ING2: variants seen among roughly 807,000 people sequenced by gnomAD.
The protein encoded by ING2 is inhibitor of growth protein 2.
Under a neutral mutation model 30.6 loss-of-function variants are expected in ING2, and 7 were observed. The observed-to-expected ratio is 0.23, with a 90% CI of 0.13 to 0.43. ING2 has a LOEUF of 0.43. ING2 is among the 20% of genes least tolerant of loss of function. The pLI is 1.00. For missense variants in ING2, 239 were observed against 334.9 expected, an observed-to-expected ratio of 0.71 and a Z score of 2.24; for synonymous variants, 136 against 121.7, an observed-to-expected ratio of 1.12 and a Z score of -0.78.
At position 183,506,400 on chromosome 4, in the gene ING2, C is replaced by G. The variant is rs1184086849; in HGVS notation, c.172+1033C>G. ...TGGGCAACCGCCTGGCGTCCCCGAG[C>G]CCCTCCTTCTCCGACTTTAAGTGTG... On this transcript the variant is annotated intron_variant, in intron 1 of 1. Coordinates refer to ENST00000302327, the MANE Select transcript of ING2 (RefSeq NM_001564.4). 5 of 988,880 alleles carry G rather than the reference C, an allele frequency of 5.1e-6. No homozygotes were observed. The African/African-American group carries it at 8.4e-5, about 17-fold the overall frequency. 61.3% of individuals were successfully genotyped at this position (988,880 alleles called of 1,614,324 possible). A position where few individuals can be genotyped will look rare whatever the true frequency, so the allele number is the denominator to read the frequency against.
At chr4:183,506,057 G>T (rs1734636391) in intron 1 of ING2, 4 of 1,119,002 alleles carry the variant, frequency 3.6e-6, no homozygotes, top group Admixed American at 5.0e-5. Context: ...CGCCGGGGGC[G>T]GGGCCTGCGG....
At chr4:183,506,314 T>A (rs1473149777) in intron 1 of ING2, 1 of 1,303,744 alleles carries the variant, frequency 7.7e-7, no homozygotes, top group Non-Finnish European at 1.0e-6. Context: ...GGATCCTGGC[T>A]CCGCGTAGGT....
chr4:183,505,834 G>A lies in ING2; in HGVS notation c.172+467G>A, dbSNP rs2111083818. Among the ~76,000 whole-genome samples, 2 of 152,046 alleles carry A rather than the reference G, an allele frequency of 1.3e-5. 1 individual carries two copies. The highest frequency in any genetic ancestry group is 2.9e-5 in the Non-Finnish European group (2 of 67,910). On this transcript the variant is annotated intron_variant, in intron 1 of 1. Transcript: ENST00000302327. The stretch of plus-strand genomic sequence containing the variant: ...GCTTTGGAACGTGCGGGGGGAGGGG[G>A]CGAGAGGCCGCGGAGGCGGACTGAG...
In ING2 at chr4:183,505,170, C is replaced by T; in HGVS notation, c.-26C>T. On this transcript the variant is annotated 5_prime_UTR_variant, in exon 1 of 2. Transcript: ENST00000302327. ...CATGTGCGGCTGCTGGATGCGGAGGCGGCGGCGACGGCGCGGATCGGCAGG... is the reference window on the plus strand; with the variant it reads ...CATGTGCGGCTGCTGGATGCGGAGGTGGCGGCGACGGCGCGGATCGGCAGG... The T allele has an allele frequency of 1.3e-6, 2 of 1,582,840 alleles. No homozygotes were observed. The highest frequency in any genetic ancestry group is 1.7e-6 in the Non-Finnish European group (2 of 1,167,660).
chr4:183,505,393 C>A (rs1451043204), intron 1 of ING2, 26 bp downstream of exon 1: 2 of 1,507,760 alleles, frequency 1.3e-6, no homozygotes, highest in South Asian at 1.2e-5. Context: ...CTGCCGGCCT[C>A]GGGAGCCGGT....
rs368386211 is a variant in ING2, at chr4:183,507,167, C to A, written c.172+1800C>A. On this transcript the variant is annotated intron_variant, in intron 1 of 1. Transcript: ENST00000302327. ...CTAGGCTGGAGTGCAGTGGCTCGAT[C>A]TTAGCTCCCTGCAACCTCTGCCTCC... is the stretch of plus-strand genomic sequence containing the variant. Among the ~76,000 whole-genome samples the A allele has an allele frequency of 1.9e-4, 29 of 152,312 alleles. No individual in the cohort carries two copies. In the South Asian group the frequency reaches 5.8e-3, roughly 30 times the overall value.
Position 183,508,163 on chromosome 4 carries a change from A to G in ING2, c.173-2119A>G, listed in dbSNP as rs181052666. On this transcript the variant is annotated intron_variant, in intron 1 of 1. Coordinates refer to ENST00000302327, the MANE Select transcript of ING2 (RefSeq NM_001564.4). ...GCTTCCTCATGGGGTTGCTGTGGAG[A>G]TTAACTGAGAAAATCTTTACCACAT... 6.2e-3 allele frequency among the ~76,000 whole-genome samples: 941 copies of G among 151,742 alleles called. 9 individuals are homozygous for G. Among genetic ancestry groups the G allele is most frequent in the African/African-American group, 0.022 (906 of 41,354 alleles).
intron 1 of ING2, among the ~76,000 whole-genome samples, chr4:183,508,228 A>T (rs1734724267): frequency 6.6e-6 from 1 of 152,084 alleles, no homozygotes; most frequent in Non-Finnish European, 1.5e-5. Flanking sequence ...GTCTTCTTTC[A>T]CTATATAATA....
intron 1 of ING2, among the ~76,000 whole-genome samples, chr4:183,509,678 A>G (rs964714522): frequency 7.0e-6 from 1 of 142,290 alleles, no homozygotes; most frequent in Non-Finnish European, 1.5e-5. Flanking sequence ...CTCGTGATCC[A>G]CCCGCCTCGG....
chr4:183,506,887 G>A (rs997744533), intron 1 of ING2, among the ~76,000 whole-genome samples: 4 of 152,156 alleles, frequency 2.6e-5, no homozygotes, highest in Non-Finnish European at 5.9e-5. Context: ...AACTCGTCCA[G>A]TTAATTCGAT....
At chr4:183,507,226 G>C (rs950632830) in intron 1 of ING2, among the ~76,000 whole-genome samples, 1 of 152,066 alleles carries the variant, frequency 6.6e-6, no homozygotes, top group Non-Finnish European at 1.5e-5. Flanking sequence ...TCAGCCTCCC[G>C]AGTAGCTGGG....
At chr4:183,506,313 C>T (rs1169464445) in intron 1 of ING2, 1 of 1,303,486 alleles carries the variant, frequency 7.7e-7, no homozygotes, top group African/African-American at 1.5e-5. Context: ...CGGATCCTGG[C>T]TCCGCGTAGG....
rs753192153 is a variant in ING2, at chr4:183,505,297, C to T, written c.102C>T (p.Cys34=). 7 of 1,569,158 alleles carry T rather than the reference C, an allele frequency of 4.5e-6. No homozygotes were observed. Among genetic ancestry groups the T allele is most frequent in the South Asian group, 1.2e-5 (1 of 85,710 alleles). Residue 34 remains cysteine (C), a synonymous_variant, in exon 1 of 2, where the codon TGC becomes TGT. Coordinates refer to ENST00000302327, the MANE Select transcript of ING2 (RefSeq NM_001564.4). ...GCTACGTGCAGGACTACCTTGAGTG[C>T]GTGGAGTCGCTGCCCCACGACATGC... ...LTCYVQDYLE[C]VESLPHDMQR...
chr4:183,507,085 A>G (rs569767347), intron 1 of ING2, among the ~76,000 whole-genome samples: 61 of 152,148 alleles, frequency 4.0e-4, no homozygotes, highest in Non-Finnish European at 6.3e-4. Flanking sequence ...GATAACACCA[A>G]AGTTTGTAAA....
At position 183,505,151 on chromosome 4, in the gene ING2, C is replaced by T. The variant is rs368612482; in HGVS notation, c.-45C>T. The T allele has an allele frequency of 3.5e-3, 5,464 of 1,560,958 alleles. 12 individuals are homozygous for T. Among genetic ancestry groups the T allele is most frequent in the Non-Finnish European group, 4.3e-3 (4,977 of 1,156,988 alleles). On this transcript the variant is annotated 5_prime_UTR_variant, in exon 1 of 2. Coordinates refer to ENST00000302327, the MANE Select transcript of ING2 (RefSeq NM_001564.4). Reference sequence around the variant, plus strand: ...GCGGCGGCCGCGGCCGGTGCATGTGCGGCTGCTGGATGCGGAGGCGGCGGC... The same window carrying T: ...GCGGCGGCCGCGGCCGGTGCATGTGTGGCTGCTGGATGCGGAGGCGGCGGC...
intron 1 of ING2, among the ~76,000 whole-genome samples, chr4:183,509,637 CG>C (rs1321656247): frequency 1.3e-5 from 2 of 151,516 alleles, no homozygotes; most frequent in African/African-American, 4.8e-5. Flanking sequence ...TTAGTAGAGA[CG>C]GGGTTTCACC....
At chr4:183,507,878 G>A (rs887867667) in intron 1 of ING2, among the ~76,000 whole-genome samples, 3 of 152,082 alleles carry the variant, frequency 2.0e-5, no homozygotes, top group Non-Finnish European at 4.4e-5. Flanking sequence ...AAATAAAGAA[G>A]AAAACAATTT....
At chr4:183,505,509 G>A (rs1734614226) in intron 1 of ING2, 142 bp downstream of exon 1, 3 of 845,832 alleles carry the variant, frequency 3.5e-6, no homozygotes, top group Non-Finnish European at 5.2e-6. Context: ...TGGAGACCGG[G>A]TTGGCGGCCC....
At chr4:183,508,018 C>T (rs1249612027) in intron 1 of ING2, among the ~76,000 whole-genome samples, 1 of 151,972 alleles carries the variant, frequency 6.6e-6, no homozygotes, top group East Asian at 1.9e-4. Context: ...TTTCAAGTGC[C>T]TTTCATATAG....
Sources: allele counts gnomAD v4.1 joint callset (sites outside exome capture counted in the v4.1 genomes callset), GRCh38; gene constraint gnomAD v4.1.1; transcripts MANE v1.5; gene names NCBI Gene and HGNC (gene_info 2026-07-23, HGNC 2026-07-21).